ATP5F1A: variants seen among roughly 807,000 people sequenced by gnomAD.
ATP5F1A encodes the protein ATP synthase F1 subunit alpha.
ATP5F1A carries 24 observed loss-of-function variants against 57.4 expected under a neutral mutation model. The ratio of observed to expected loss-of-function variants is 0.42; its 90% CI spans 0.30 to 0.59. The LOEUF is 0.59. Among genes scored for constraint, ATP5F1A ranks in the 20% least tolerant of loss-of-function variants. The probability of loss-of-function intolerance (pLI) is 0.19; values close to 1 mark genes in which losing one functional copy is unlikely to be tolerated. For synonymous variants in ATP5F1A, 251 were observed against 255.5 expected (o/e 0.98, Z 0.17); for missense variants, 494 against 707.9 (o/e 0.70, Z 3.43).
Position 46,097,959 on chromosome 18 carries a change from T to G in ATP5F1A, c.60+213A>C, listed in dbSNP as rs1049842254. On this transcript the variant is annotated intron_variant, in intron 1 of 11. Coordinates refer to ENST00000398752, the MANE Select transcript of ATP5F1A (RefSeq NM_004046.6). Reference sequence around the variant, plus strand: ...GGCCCTGTCTCTGGACACCATCGAGTTAACTGTCTGCCCTGTACCATTCTG... The same window carrying G: ...GGCCCTGTCTCTGGACACCATCGAGGTAACTGTCTGCCCTGTACCATTCTG... The G allele has an allele frequency of 5.4e-6, 7 of 1,302,164 alleles. No individual in the cohort carries two copies. The African/African-American group carries it at 9.2e-5, about 17-fold the overall frequency. 80.7% of individuals were successfully genotyped at this position (1,302,164 alleles called of 1,614,324 possible). A position where few individuals can be genotyped will look rare whatever the true frequency, so the allele number is the denominator to read the frequency against.
In ATP5F1A at chr18:46,091,847, A is replaced by C. The variant is rs1222313153; in HGVS notation, c.144T>G (p.Thr48=). The C allele has an allele frequency of 1.9e-6, 3 of 1,611,868 alleles. No homozygotes were observed. Among genetic ancestry groups the C allele is most frequent in the Non-Finnish European group, 2.5e-6 (3 of 1,179,480 alleles). ...CTTCAAGAATAGAGGACATCTCAGC[A>C]GTCCCTATGGAAGACAATTCAATTC... The part of the protein sequence containing the change: ...ASNTHLQKTG[T]AEMSSILEER... The change falls in exon 3 of 12, where the codon ACT becomes ACG. Residue 48 remains threonine (T), a synonymous_variant. Coordinates refer to ENST00000398752, the MANE Select transcript of ATP5F1A (RefSeq NM_004046.6).
In ATP5F1A at chr18:46,080,509, T is replaced by C. The variant is rs1909683026; in HGVS notation, c.*3773A>G. 3 of 152,216 alleles carry C rather than the reference T, an allele frequency of 2.0e-5. 1 individual carries two copies. In the South Asian group the frequency reaches 6.2e-4, roughly 32 times the overall value. The allele number at this position is 152,216 out of a possible 1,614,324, so 9.4% of individuals were successfully genotyped here. A position where few individuals can be genotyped will look rare whatever the true frequency, so the allele number is the denominator to read the frequency against. ...TAAGTACTTAGTAAAAAGCAGTATT[T>C]GAATCTCATGGTTCATTGCTGTAAC... On this transcript the variant is annotated 3_prime_UTR_variant, in exon 12 of 12. Coordinates refer to ENST00000398752, the MANE Select transcript of ATP5F1A (RefSeq NM_004046.6).
chr18:46,100,520 G>A (rs1911245774), upstream of ATP5F1A, among the ~76,000 whole-genome samples: 1 of 152,002 alleles, frequency 6.6e-6, no homozygotes. Flanking sequence ...CAAGATGAGA[G>A]GTTCACTTGA....
upstream of ATP5F1A, among the ~76,000 whole-genome samples, chr18:46,099,948 G>C (rs1053766390): frequency 1.3e-5 from 2 of 152,108 alleles, no homozygotes; most frequent in Admixed American, 1.3e-4. Flanking sequence ...CTGGGAATCA[G>C]GGGTACAAAA....
At chr18:46,093,429 C>T (rs1277892797) in intron 2 of ATP5F1A, 1 of 151,148 alleles carries the variant, frequency 6.6e-6, no homozygotes, top group African/African-American at 2.4e-5. Flanking sequence ...ACCAGCTACT[C>T]GGGAGGCTGA....
chr18:46,098,520 C>A (rs1443218911), upstream of ATP5F1A: 1 of 683,386 alleles, frequency 1.5e-6, no homozygotes, highest in Non-Finnish European at 1.8e-6. Context: ...TCTTTTGAGT[C>A]GACCTTGTGG....
In ATP5F1A at chr18:46,084,348, G is replaced by A. The variant is rs1483927875; in HGVS notation, c.1596C>T (p.Ile532=). ...TCAGCTTTGCATCTGATTGTTCTGAGATCTTTCCATCAGCCCTATTTGGAA... is the reference window on the plus strand; with the variant it reads ...TCAGCTTTGCATCTGATTGTTCTGAAATCTTTCCATCAGCCCTATTTGGAA... ...LLGTIRADGK[I]SEQSDAKLKE... The change falls in exon 12 of 12, where the codon ATC becomes ATT. Residue 532 remains isoleucine, a synonymous_variant. Transcript: ENST00000398752. The A allele has an allele frequency of 5.6e-6, 9 of 1,613,168 alleles. No homozygotes were observed. The East Asian group carries it at 8.9e-5, about 16-fold the overall frequency.
chr18:46,090,091 G>GA, intron 3 of ATP5F1A, 95 bp from the exon 4 acceptor site: 2 of 605,152 alleles, frequency 3.3e-6, no homozygotes, highest in South Asian at 2.6e-5. Flanking sequence ...GGGGTGGGGG[G>GA]GGAAGCAGTA....
Position 46,098,215 on chromosome 18 carries a change from A to G in ATP5F1A, c.17T>C (p.Val6Ala), listed in dbSNP as rs1173465339. The G allele has an allele frequency of 1.9e-6, 3 of 1,606,742 alleles. No homozygotes were observed. In the African/African-American group the frequency reaches 4.0e-5, roughly 21 times the overall value. ...AAGGGCGCGGACCACGGCCGCAGCA[A>G]CGCGCACGGACAGCATCTTTGCAGT... MLSVR[V>A]AAAVVRALPR... Residue 6 changes from valine (V) to alanine (A), a missense_variant, in exon 1 of 12, where the codon GTT becomes GCT. Val to Ala is a moderately conservative substitution (Grantham distance 64). Transcript: ENST00000398752.
At chr18:46,098,362 A>AGGGGGGGGGGGGGGGGG (rs1555696620), upstream of ATP5F1A, 5 of 1,287,046 alleles carry the variant, frequency 3.9e-6, no homozygotes, top group Non-Finnish European at 5.0e-6. Flanking sequence ...CCTCGCGTTC[A>AGGGGGGGGGGGGGGGGG]CCACCTCTCC....
At chr18:46,089,337 G>T in intron 5 of ATP5F1A, 1 of 507,986 alleles carries the variant, frequency 2.0e-6, no homozygotes, top group Non-Finnish European at 3.4e-6. Flanking sequence ...CACGACCCTG[G>T]GATTAAGAGT....
Position 46,087,164 on chromosome 18 carries a change from A to G in ATP5F1A, c.1020T>C (p.Asp340=). 1.2e-6 allele frequency: 2 copies of G among 1,614,236 alleles called. No homozygotes were observed. The highest frequency in any genetic ancestry group is 2.7e-5 in the African/African-American group (2 of 75,060). The part of the protein sequence containing the change: ...RPPGREAYPG[D]VFYLHSRLLE... ...GCAACCGGGAGTGTAGGTAGAACAC[A>G]TCACCAGGATAGGCCTCACGACCAG... The change falls in exon 8 of 12, where the codon GAT becomes GAC. Residue 340 remains aspartate (D), a synonymous_variant. Coordinates refer to ENST00000398752, the MANE Select transcript of ATP5F1A (RefSeq NM_004046.6).
intron 1 of ATP5F1A, chr18:46,097,906 C>T (rs76805091): frequency 5.7e-6 from 7 of 1,236,726 alleles, no homozygotes; most frequent in Non-Finnish European, 7.1e-6. Flanking sequence ...CTTCTAGGGC[C>T]GCTGTCAGCC....
intron 3 of ATP5F1A, 73 bp downstream of exon 3, chr18:46,091,609 A>G (rs904529875): frequency 4.7e-5 from 68 of 1,432,602 alleles, no homozygotes; most frequent in Non-Finnish European, 6.2e-5. Flanking sequence ...ATCTGATACA[A>G]TCTTTGAATC....
At chr18:46,084,920 T>C (rs1215673582) in intron 10 of ATP5F1A, 1 of 320,098 alleles carries the variant, frequency 3.1e-6, no homozygotes, top group Non-Finnish European at 5.6e-6. Flanking sequence ...ACAGTGTTAA[T>C]ACTGTTTTGA....
intron 10 of ATP5F1A, 164 bp downstream of exon 10, chr18:46,085,948 AT>A: frequency 3.6e-6 from 3 of 829,010 alleles, no homozygotes; most frequent in East Asian, 2.9e-5. Context: ...AAAAAAAAAA[AT>A]CAAAAATCAA....
At chr18:46,100,429 G>A (rs1414414023), upstream of ATP5F1A, among the ~76,000 whole-genome samples, 5 of 152,054 alleles carry the variant, frequency 3.3e-5, no homozygotes, top group Admixed American at 3.3e-4. Flanking sequence ...ACAAACAGAT[G>A]GTTAGAGGTT....
chr18:46,087,952 TA>T, intron 6 of ATP5F1A, 156 bp downstream of exon 6: 1 of 726,792 alleles, frequency 1.4e-6, no homozygotes, highest in Non-Finnish European at 2.2e-6. Flanking sequence ...CCTTTAAATG[TA>T]CTACTGTTTT....
chr18:46,086,449 T>C lies in ATP5F1A; in HGVS notation c.1222A>G (p.Ile408Val), dbSNP rs1347880588. The C allele has an allele frequency of 6.8e-6, 11 of 1,614,062 alleles. No homozygotes were observed. The highest frequency in any genetic ancestry group is 1.7e-5 in the Admixed American group (1 of 59,976). ...ELFYKGIRPAINVGLSVSRVG... is the reference protein window; with the variant it reads ...ELFYKGIRPAVNVGLSVSRVG... Reference sequence around the variant, plus strand: ...CGAGATACAGACAGACCAACGTTAATTGCAGGGCGGATACCTTTGTAGAAC... The same window carrying C: ...CGAGATACAGACAGACCAACGTTAACTGCAGGGCGGATACCTTTGTAGAAC... Residue 408 changes from isoleucine (I) to valine (V), a missense_variant, in exon 9 of 12, where the codon ATT becomes GTT. Physicochemically the swap from Ile to Val is conservative, Grantham distance 29 (BLOSUM62 3). Around this residue, in one of 6 missense-constraint regions of ATP5F1A, gnomAD observed 127 missense variants for 195.2 expected, o/e 0.65. Transcript: ENST00000398752.
Sources: gnomAD v4.1 joint callset for allele counts (sites outside exome capture counted in the v4.1 genomes callset) on GRCh38, gnomAD v4.1.1 for gene constraint, gnomAD v4.1.1 regional missense constraint, MANE v1.5 for transcripts, NCBI Gene and HGNC (gene_info 2026-07-23, HGNC 2026-07-21) for gene names.